Variants in CNBD1 observed in about 807,000 individuals in gnomAD.
The protein encoded by CNBD1 is cyclic nucleotide-binding domain-containing protein 1.
A neutral mutation model predicts 54.4 loss-of-function variants in CNBD1; 71 were observed. That is an observed-to-expected ratio of 1.30 (90% confidence interval 1.08 to 1.59). CNBD1 has a LOEUF of 1.59. CNBD1 is among the 40% of genes most tolerant of loss of function. The pLI, the probability that CNBD1 is intolerant of heterozygous loss-of-function variation, is 0.00. For missense variants in CNBD1, 659 were observed against 518.0 expected, an observed-to-expected ratio of 1.27 and a Z score of -2.64; for synonymous variants, 182 against 170.7, an observed-to-expected ratio of 1.07 and a Z score of -0.51.
At chr8:87,369,679 T>C (rs62526817) in intron 10 of CNBD1, among the ~76,000 whole-genome samples, 6,592 of 152,060 alleles carry the variant, frequency 0.043, 187 homozygotes, top group Non-Finnish European at 0.06. Flanking sequence ...GTTAGTACCA[T>C]TGAGTATCAT....
intron 4 of CNBD1, among the ~76,000 whole-genome samples, chr8:87,066,055 T>C (rs1310436657): frequency 6.6e-6 from 1 of 151,978 alleles, no homozygotes; most frequent in Non-Finnish European, 1.5e-5. Flanking sequence ...CTTCATTCTT[T>C]TAGGTTTAGT....
chr8:87,377,410 T>A (rs533229088), intron 10 of CNBD1, among the ~76,000 whole-genome samples: 265 of 151,816 alleles, frequency 1.7e-3, no homozygotes, highest in African/African-American at 5.8e-3. Flanking sequence ...GTGTTTGGTT[T>A]TTTGTTCTTG....
At chr8:87,343,122 C>A (rs892905933) in intron 8 of CNBD1, among the ~76,000 whole-genome samples, 2 of 152,178 alleles carry the variant, frequency 1.3e-5, no homozygotes, top group East Asian at 3.9e-4. Context: ...TTGCTTTCTG[C>A]AAGAAGAAAA....
chr8:87,302,257 G>C (rs1465071185), intron 8 of CNBD1, among the ~76,000 whole-genome samples: 1 of 152,106 alleles, frequency 6.6e-6, no homozygotes, highest in Non-Finnish European at 1.5e-5. Context: ...CTGGCAAACT[G>C]AATCCAGCAG....
chr8:86,887,682 A>G (rs1379708432), intron 2 of CNBD1, 71 bp downstream of exon 2: 2 of 1,100,942 alleles, frequency 1.8e-6, no homozygotes, highest in Non-Finnish European at 1.3e-6. Context: ...GGGATAAAGT[A>G]TAGTAATAAA....
chr8:87,155,626 T>C (rs1812698339), intron 4 of CNBD1, among the ~76,000 whole-genome samples: 1 of 152,222 alleles, frequency 6.6e-6, no homozygotes. Context: ...TGCATTAATT[T>C]TGGTGGAAAT....
chr8:87,090,004 A>G (rs1403836474), intron 4 of CNBD1, among the ~76,000 whole-genome samples: 1 of 152,136 alleles, frequency 6.6e-6, no homozygotes, highest in Non-Finnish European at 1.5e-5. Context: ...ATACAAATGT[A>G]AAAAGAGTAC....
intron 4 of CNBD1, among the ~76,000 whole-genome samples, chr8:87,056,546 T>G (rs1413092065): frequency 6.6e-6 from 1 of 152,184 alleles, no homozygotes; most frequent in Admixed American, 6.5e-5. Flanking sequence ...AACAGTATTT[T>G]AATATATGAG....
At chr8:87,258,349 T>C (rs1319516538) in intron 6 of CNBD1, among the ~76,000 whole-genome samples, 1 of 152,156 alleles carries the variant, frequency 6.6e-6, no homozygotes, top group African/African-American at 2.4e-5. Context: ...GCAAGCAGTC[T>C]GTCTTTTGTC....
At chr8:87,303,948 C>T (rs916248510) in intron 8 of CNBD1, among the ~76,000 whole-genome samples, 40 of 152,080 alleles carry the variant, frequency 2.6e-4, no homozygotes, top group Non-Finnish European at 2.8e-4. Flanking sequence ...TATCATCTCA[C>T]ACCAGTTAGA....
At chr8:86,969,013 GC>G (rs1808158779) in intron 4 of CNBD1, among the ~76,000 whole-genome samples, 1 of 152,100 alleles carries the variant, frequency 6.6e-6, no homozygotes, top group Non-Finnish European at 1.5e-5. Context: ...GAAGTATGTA[GC>G]TTTTTATTTT....
intron 4 of CNBD1, among the ~76,000 whole-genome samples, chr8:87,013,639 G>GTTTTTTT (rs545260102): frequency 7.5e-6 from 1 of 133,890 alleles, no homozygotes; most frequent in Non-Finnish European, 1.6e-5. Context: ...TTTGTTTTTT[G>GTTTTTTT]TTTTTTTTTT....
chr8:86,877,929 A>G (rs1305080231), intron 1 of CNBD1, among the ~76,000 whole-genome samples: 2 of 151,770 alleles, frequency 1.3e-5, no homozygotes, highest in African/African-American at 2.4e-5. Flanking sequence ...ATTTTCTTAA[A>G]TCTTTGTCAT....
chr8:87,178,902 CTTGTTTGT>C (rs113358222), intron 4 of CNBD1, among the ~76,000 whole-genome samples: 9 of 151,906 alleles, frequency 5.9e-5, no homozygotes, highest in Non-Finnish European at 7.4e-5. Context: ...ATAGCTTTTG[CTTGTTTGT>C]TTGTTTGTTT....
At chr8:86,909,817 C>G (rs1232096191) in intron 3 of CNBD1, among the ~76,000 whole-genome samples, 2 of 152,122 alleles carry the variant, frequency 1.3e-5, no homozygotes, top group Non-Finnish European at 1.5e-5. Context: ...AACATTCTGC[C>G]GTCAAGAAAT....
chr8:87,414,206 G>A (rs1229275488), intron 2 of CNBD1, among the ~76,000 whole-genome samples: 2 of 152,028 alleles, frequency 1.3e-5, no homozygotes, highest in Admixed American at 1.3e-4. Flanking sequence ...AAAATGAAGA[G>A]TTCATGTCCT....
intron 4 of CNBD1, among the ~76,000 whole-genome samples, chr8:86,955,083 G>A (rs1807728423): frequency 6.6e-6 from 1 of 151,056 alleles, no homozygotes; most frequent in African/African-American, 2.4e-5. Flanking sequence ...AACATGCGGT[G>A]TTTGGTGTTC....
chr8:87,057,514 C>T (rs553535206), intron 4 of CNBD1, among the ~76,000 whole-genome samples: 6 of 152,272 alleles, frequency 3.9e-5, no homozygotes, highest in African/African-American at 1.2e-4. Context: ...CCATACCATT[C>T]TGCCCCTGGC....
intron 4 of CNBD1, among the ~76,000 whole-genome samples, chr8:87,070,522 G>C (rs752400881): frequency 1.3e-5 from 2 of 152,012 alleles, no homozygotes; most frequent in South Asian, 4.1e-4. Flanking sequence ...AAAAAGACAA[G>C]TTCTCTGCTC....
Sources: gnomAD v4.1 joint callset for allele counts (sites outside exome capture counted in the v4.1 genomes callset) on GRCh38, gnomAD v4.1.1 for gene constraint, MANE v1.5 for transcripts, NCBI Gene and HGNC (gene_info 2026-07-23, HGNC 2026-07-21) for gene names.